Variants in EMC3 observed in about 807,000 individuals in gnomAD.
EMC3 encodes the protein ER membrane protein complex subunit 3.
A neutral mutation model predicts 36.6 loss-of-function variants in EMC3; 13 were observed. The ratio of observed to expected loss-of-function variants is 0.35; its 90% CI spans 0.23 to 0.56. EMC3 has a LOEUF of 0.56. Among genes scored for constraint, EMC3 ranks in the 20% least tolerant of loss-of-function variants. EMC3 has a pLI of 0.84. For missense variants in EMC3, 220 were observed against 324.5 expected (o/e 0.68, Z 2.47); for synonymous variants, 120 against 111.9 (o/e 1.07, Z -0.46).
intron 1 of EMC3, among the ~76,000 whole-genome samples, chr3:9,999,915 C>T (rs2086176462): frequency 6.6e-6 from 1 of 152,320 alleles, no homozygotes; most frequent in Admixed American, 6.5e-5. Context: ...ACAGTTGAAT[C>T]TTGCTTGGTT....
rs138024363 is a variant in EMC3 at position 9,996,373 on chromosome 3, G to A, written c.-241-9471C>T. Reference sequence around the variant, plus strand: ...GGTGGGAGGATCCATTGAACCCAGGGAGTTGAGGCTACAGTGAGCCATGAT... The same window carrying A: ...GGTGGGAGGATCCATTGAACCCAGGAAGTTGAGGCTACAGTGAGCCATGAT... On this transcript the variant is annotated intron_variant, in intron 1 of 8. Transcript: ENST00000470827. 3.5e-3 allele frequency among the ~76,000 whole-genome samples: 533 copies of A among 152,046 alleles called. 6 individuals carry two copies. The highest frequency in any genetic ancestry group is 0.011 in the African/African-American group (460 of 41,520).
At chr3:9,993,095 T>C in intron 1 of EMC3, 1 of 797,356 alleles carries the variant, frequency 1.3e-6, no homozygotes, top group Non-Finnish European at 2.2e-6. Flanking sequence ...TTTCAGTCCA[T>C]TGTTCAAACC....
chr3:10,008,385 G>A (rs777493993), intron 1 of EMC3: 2 of 1,366,826 alleles, frequency 1.5e-6, no homozygotes, highest in East Asian at 4.6e-5. Context: ...AAACAGAGAA[G>A]GTCCTTTCAA....
intron 1 of EMC3, among the ~76,000 whole-genome samples, chr3:9,997,672 CTGGT>C (rs973551172): frequency 6.6e-6 from 1 of 151,980 alleles, no homozygotes; most frequent in African/African-American, 2.4e-5. Flanking sequence ...GTTGGCCAGG[CTGGT>C]CTCAAACGGC....
At chr3:9,979,802 A>G (rs539605703) in intron 1 of EMC3, among the ~76,000 whole-genome samples, 1 of 152,312 alleles carries the variant, frequency 6.6e-6, no homozygotes, top group South Asian at 2.1e-4. Context: ...TGTAGGATTA[A>G]GCTGGACTCT....
Position 10,008,423 on chromosome 3 carries a change from G to A in EMC3, c.-242+2600C>T, listed in dbSNP as rs751971809. 20 of 1,367,566 alleles carry A rather than the reference G, an allele frequency of 1.5e-5. No individual in the cohort carries two copies. The Admixed American group carries it at 2.3e-4, about 16-fold the overall frequency. The allele number at this position is 1,367,566 out of a possible 1,614,324, so 84.7% of individuals were successfully genotyped here. On this transcript the variant is annotated intron_variant, in intron 1 of 8. Transcript: ENST00000470827. Reference sequence around the variant, plus strand: ...GTCTACCTGGGCCGGCATGCAGGCCGGGCAACCTTGGCTTGTTCATCTCCC... The same window carrying A: ...GTCTACCTGGGCCGGCATGCAGGCCAGGCAACCTTGGCTTGTTCATCTCCC...
chr3:9,980,125 C>T (rs2085893918), intron 1 of EMC3, among the ~76,000 whole-genome samples: 2 of 151,778 alleles, frequency 1.3e-5, no homozygotes, highest in Non-Finnish European at 2.9e-5. Flanking sequence ...GCAATTCTCC[C>T]GCCTCAGCCT....
At chr3:9,977,181 G>T in intron 2 of EMC3, 131 bp from the exon 3 acceptor site, 1 of 868,214 alleles carries the variant, frequency 1.2e-6, no homozygotes, top group Non-Finnish European at 1.8e-6. Context: ...AGCCTACTTG[G>T]CAGGCGACCT....
Position 9,986,803 on chromosome 3 carries a change from A to C in EMC3, c.-142T>G. The stretch of plus-strand genomic sequence containing the variant: ...AGAACTCTCCTGCGACTGTGAGCCG[A>C]GCTTACTGCCTTCAGCTGGGCTGCC... On this transcript the variant is annotated 5_prime_UTR_variant, in exon 1 of 8. Coordinates refer to ENST00000245046, the MANE Select transcript of EMC3 (RefSeq NM_001394674.1). 6.9e-7 allele frequency: 1 copy of C among 1,448,604 alleles called. No homozygotes were observed. Among genetic ancestry groups the C allele is most frequent in the Non-Finnish European group, 9.1e-7 (1 of 1,099,130 alleles). 89.7% of individuals were successfully genotyped at this position (1,448,604 alleles called of 1,614,324 possible).
upstream of EMC3, among the ~76,000 whole-genome samples, chr3:9,990,325 C>CT (rs4020037): frequency 0.1 from 9,051 of 88,658 alleles, 1,383 homozygotes; most frequent in African/African-American, 0.35. Flanking sequence ...GGGCCTTTCT[C>CT]TTTTTTTTTT....
intron 6 of EMC3, among the ~76,000 whole-genome samples, chr3:9,970,070 G>A (rs1257677526): frequency 6.6e-6 from 1 of 152,174 alleles, no homozygotes; most frequent in Non-Finnish European, 1.5e-5. Flanking sequence ...AGCAACTACT[G>A]CATGCCAAGT....
chr3:9,984,270 T>C (rs34961958), intron 1 of EMC3, among the ~76,000 whole-genome samples: 34,100 of 150,778 alleles, frequency 0.23, 4,441 homozygotes, highest in African/African-American at 0.36. Flanking sequence ...TTAGTAGAGA[T>C]GGGGTTTCAC....
intron 7 of EMC3, chr3:9,968,580 T>C (rs1427812678): frequency 6.6e-6 from 1 of 152,256 alleles, no homozygotes; most frequent in African/African-American, 2.4e-5. Context: ...GCTTTCAGTC[T>C]TTCACCATTG....
At chr3:9,974,310 A>T in intron 4 of EMC3, 74 bp downstream of exon 4, 1 of 980,298 alleles carries the variant, frequency 1.0e-6, no homozygotes, top group Non-Finnish European at 1.6e-6. Flanking sequence ...AAAACACAGG[A>T]CCTGTGATAT....
intron 1 of EMC3, chr3:10,000,868 T>G (rs2124936709): frequency 6.2e-6 from 3 of 482,170 alleles, no homozygotes; most frequent in Non-Finnish European, 8.3e-6. Context: ...AGGCCTAGTC[T>G]TGTGCTTGCC....
chr3:9,977,189 C>A, intron 2 of EMC3, 139 bp from the exon 3 acceptor site: 1 of 864,366 alleles, frequency 1.2e-6, no homozygotes. Flanking sequence ...TGGCAGGCGA[C>A]CTGACACTTT....
chr3:9,995,967 T>TCTGTGC lies in EMC3; in HGVS notation c.-241-9071_-241-9066dup, dbSNP rs1470880744. Among the ~76,000 whole-genome samples, 6 of 152,278 alleles carry TCTGTGC rather than the reference T, an allele frequency of 3.9e-5. 1 individual carries two copies. In the East Asian group the frequency reaches 7.7e-4, roughly 20 times the overall value. Reference sequence around the variant, plus strand: ...CTTACCACAAACATTAAGTGCCTATTCTGTGCCAGGCACTGATACATTAGA... The same window carrying TCTGTGC: ...CTTACCACAAACATTAAGTGCCTATTCTGTGCCTGTGCCAGGCACTGATACATTAGA... On this transcript the variant is annotated intron_variant, in intron 1 of 8. Transcript: ENST00000470827.
chr3:9,994,134 G>T lies in EMC3; in HGVS notation c.-241-7232C>A. ...TTCCAAAAGGATAAGCAACTCTTAG[G>T]TTGTGTACTGTTTCCTACAGCTTCT... On this transcript the variant is annotated intron_variant, in intron 1 of 8. Transcript: ENST00000470827. The T allele has an allele frequency of 4.5e-6, 7 of 1,562,244 alleles. No homozygotes were observed. The South Asian group carries it at 6.7e-5, about 15-fold the overall frequency.
At chr3:9,977,493 A>G (rs773270085) in intron 1 of EMC3, 47 bp from the exon 2 acceptor site, 2 of 1,564,746 alleles carry the variant, frequency 1.3e-6, no homozygotes, top group Non-Finnish European at 1.7e-6. Flanking sequence ...GTGAAACACT[A>G]GAAGAAAATG....
Sources: gnomAD v4.1 joint callset for allele counts (sites outside exome capture counted in the v4.1 genomes callset) on GRCh38, gnomAD v4.1.1 for gene constraint, MANE v1.5 for transcripts, NCBI Gene and HGNC (gene_info 2026-07-23, HGNC 2026-07-21) for gene names.